The following SNX18 variants were observed in gnomAD, a reference collection of about 807,000 sequenced individuals.
The protein encoded by SNX18 is sorting nexin 18.
SNX18 carries 35 observed loss-of-function variants against 48.7 expected under a neutral mutation model. That is an observed-to-expected ratio of 0.72 (90% CI 0.55 to 0.95). The LOEUF (loss-of-function observed/expected upper bound fraction) is 0.95, where lower values mean the gene tolerates loss of function less well. SNX18 is among the 40% of genes least tolerant of loss of function. SNX18 has a pLI of 0.00. For synonymous variants in SNX18, 492 were observed against 384.7 expected, an observed-to-expected ratio of 1.28 and a Z score of -3.26; for missense variants, 824 against 871.0, an observed-to-expected ratio of 0.95 and a Z score of 0.68.
chr5:54,604,546 T>G, the SNX18 span, among the ~76,000 whole-genome samples: 1 of 152,068 alleles, frequency 6.6e-6, no homozygotes, highest in Admixed American at 6.5e-5. Context: ...TCCACTGATA[T>G]GAGGTAATTT....
At chr5:54,574,248 T>C in the SNX18 span, among the ~76,000 whole-genome samples, 2 of 152,206 alleles carry the variant, frequency 1.3e-5, no homozygotes, top group East Asian at 3.9e-4. Flanking sequence ...AGCTGCTCCA[T>C]GAGGCTGCCC....
At chr5:54,570,559 G>A in the SNX18 span, among the ~76,000 whole-genome samples, 1 of 152,114 alleles carries the variant, frequency 6.6e-6, no homozygotes, top group African/African-American at 2.4e-5. Context: ...TAATTAGCAT[G>A]AGCTTATATT....
At chr5:54,563,266 CATTCACTCACT>C in the SNX18 span, among the ~76,000 whole-genome samples, 1 of 152,210 alleles carries the variant, frequency 6.6e-6, no homozygotes, top group Non-Finnish European at 1.5e-5. Context: ...TAGGTCTTTA[CATTCACTCACT>C]ATTCACTCAC....
intron 1 of SNX18, among the ~76,000 whole-genome samples, chr5:54,540,211 CT>C (rs58582682): frequency 2.9e-5 from 4 of 139,628 alleles, no homozygotes; most frequent in Non-Finnish European, 3.1e-5. Flanking sequence ...TAGACTTGTT[CT>C]TTTTTTTTTT....
At chr5:54,626,025 G>C in the SNX18 span, among the ~76,000 whole-genome samples, 1 of 152,198 alleles carries the variant, frequency 6.6e-6, no homozygotes, top group Non-Finnish European at 1.5e-5. Flanking sequence ...GATATATCTA[G>C]AGCCAGGCCT....
At chr5:54,534,914 T>G (rs1421153788) in intron 1 of SNX18, among the ~76,000 whole-genome samples, 1 of 152,200 alleles carries the variant, frequency 6.6e-6, no homozygotes, top group Non-Finnish European at 1.5e-5. Flanking sequence ...AAAATTGGCA[T>G]TGAAATCCTA....
the SNX18 span, among the ~76,000 whole-genome samples, chr5:54,579,885 A>G: frequency 1.3e-5 from 2 of 152,168 alleles, no homozygotes; most frequent in African/African-American, 4.8e-5. Flanking sequence ...AATAAACAAT[A>G]GTTTCTAAAT....
At chr5:54,626,744 A>G in the SNX18 span, among the ~76,000 whole-genome samples, 2 of 152,226 alleles carry the variant, frequency 1.3e-5, no homozygotes, top group African/African-American at 2.4e-5. Flanking sequence ...CCCTGACAAC[A>G]AATAATTCTC....
chr5:54,638,911 C>T, the SNX18 span, among the ~76,000 whole-genome samples: 9 of 152,154 alleles, frequency 5.9e-5, no homozygotes, highest in African/African-American at 2.2e-4. Flanking sequence ...TGGGACCCTT[C>T]CCACCTCCAC....
chr5:54,553,068 G>A, the SNX18 span, among the ~76,000 whole-genome samples: 18 of 152,078 alleles, frequency 1.2e-4, no homozygotes, highest in Non-Finnish European at 2.2e-4. Flanking sequence ...AAGGGTGGGA[G>A]GGGATGGGGG....
At chr5:54,572,726 TTGTGTG>T in the SNX18 span, among the ~76,000 whole-genome samples, 4 of 38,664 alleles carry the variant, frequency 1.0e-4, no homozygotes, top group African/African-American at 1.7e-4. Flanking sequence ...CTCCTCCAAA[TTGTGTG>T]TGTGTGTGTG....
At position 54,544,699 on chromosome 5, in the gene SNX18, G is replaced by A. The variant is rs1277177392; in HGVS notation, c.*1267G>A. The A allele has an allele frequency of 1.4e-5, 2 of 138,556 alleles. No homozygotes were observed. The highest frequency in any genetic ancestry group is 1.5e-5 in the Non-Finnish European group (1 of 65,844). The allele number at this position is 138,556 out of a possible 1,614,324, so 8.6% of individuals were successfully genotyped here. A position where few individuals can be genotyped will look rare whatever the true frequency, so the allele number is the denominator to read the frequency against. On this transcript the variant is annotated 3_prime_UTR_variant, in exon 2 of 2. Coordinates refer to ENST00000381410, the MANE Select transcript of SNX18 (RefSeq NM_001102575.2). ...TAAATGTATTCTTTTATTATTATAA[G>A]GGAAATACAGATGGCTGATAAATAC...
chr5:54,576,797 G>GC, the SNX18 span, among the ~76,000 whole-genome samples: 25 of 141,546 alleles, frequency 1.8e-4, 1 homozygote, highest in Middle Eastern at 7.4e-3. Context: ...TTGTTTGTTT[G>GC]TTTGCTTGCT....
chr5:54,534,588 C>T (rs534794513), intron 1 of SNX18, among the ~76,000 whole-genome samples: 2 of 149,666 alleles, frequency 1.3e-5, no homozygotes, highest in Admixed American at 6.7e-5. Context: ...TTTTTTCCCC[C>T]TGTCTCACTT....
the SNX18 span, among the ~76,000 whole-genome samples, chr5:54,598,603 A>G: frequency 1.3e-5 from 2 of 152,240 alleles, no homozygotes; most frequent in Non-Finnish European, 2.9e-5. Flanking sequence ...AATGTAATCC[A>G]TCACATAAAC....
the SNX18 span, among the ~76,000 whole-genome samples, chr5:54,585,894 A>T: frequency 6.6e-6 from 1 of 152,002 alleles, no homozygotes; most frequent in Non-Finnish European, 1.5e-5. Context: ...AGTCCCAGCT[A>T]CTAGGAAGGC....
At chr5:54,538,076 ATATTT>A (rs1762390964) in intron 1 of SNX18, among the ~76,000 whole-genome samples, 3 of 152,182 alleles carry the variant, frequency 2.0e-5, no homozygotes, top group Non-Finnish European at 2.9e-5. Flanking sequence ...CTTTCTTGTG[ATATTT>A]AAAATTTTGA....
the SNX18 span, among the ~76,000 whole-genome samples, chr5:54,581,304 A>G: frequency 6.6e-6 from 1 of 152,160 alleles, no homozygotes; most frequent in Non-Finnish European, 1.5e-5. Flanking sequence ...GAAAGATGAG[A>G]GAGAGCAAGA....
chr5:54,641,805 G>A, the SNX18 span, among the ~76,000 whole-genome samples: 22 of 152,258 alleles, frequency 1.4e-4, no homozygotes, highest in Middle Eastern at 3.4e-3. Context: ...GTATGTATGC[G>A]TGTGCGGGTG....
Sources: allele counts gnomAD v4.1 joint callset (sites outside exome capture counted in the v4.1 genomes callset), GRCh38; gene constraint gnomAD v4.1.1; transcripts MANE v1.5; gene names NCBI Gene and HGNC (gene_info 2026-07-23, HGNC 2026-07-21).